The following MICU1 variants were observed in gnomAD, a reference collection of about 807,000 sequenced individuals.
MICU1 encodes the protein mitochondrial calcium uptake 1.
In MICU1, 45 loss-of-function variants were observed where a neutral mutation model predicts 56.8. The observed-to-expected ratio is 0.79, with a 90% confidence interval of 0.62 to 1.02. The LOEUF (loss-of-function observed/expected upper bound fraction) is 1.02, where lower values mean the gene tolerates loss of function less well. MICU1 is among the 50% of genes least tolerant of loss of function. MICU1 has a pLI of 0.00. For missense variants in MICU1, 504 were observed against 587.1 expected, an observed-to-expected ratio of 0.86 and a Z score of 1.46; for synonymous variants, 186 against 195.1, an observed-to-expected ratio of 0.95 and a Z score of 0.39.
At chr10:72,385,731 A>G (rs539440450) in intron 10 of MICU1, among the ~76,000 whole-genome samples, 1 of 152,138 alleles carries the variant, frequency 6.6e-6, no homozygotes, top group Non-Finnish European at 1.5e-5. Context: ...CCCTCTCCTC[A>G]GGTGGGCAGA....
intron 3 of MICU1, among the ~76,000 whole-genome samples, chr10:72,553,226 C>CCTTTCTT (rs2132448497): frequency 7.1e-6 from 1 of 141,118 alleles, no homozygotes; most frequent in Admixed American, 7.5e-5. Context: ...AGAAGAAATA[C>CCTTTCTT]CTTTCTTCTT....
intron 6 of MICU1, among the ~76,000 whole-genome samples, chr10:72,482,423 A>G (rs1449774847): frequency 1.3e-5 from 2 of 152,186 alleles, no homozygotes; most frequent in African/African-American, 2.4e-5. Flanking sequence ...TTGATATGCA[A>G]TGTCAGAGAA....
At chr10:72,436,550 C>T (rs926556392) in intron 8 of MICU1, among the ~76,000 whole-genome samples, 36 of 152,184 alleles carry the variant, frequency 2.4e-4, no homozygotes, top group African/African-American at 8.7e-4. Context: ...CAAAGCTAGA[C>T]AGAGAATGAC....
At chr10:72,387,249 G>C (rs942430810) in intron 10 of MICU1, among the ~76,000 whole-genome samples, 4 of 152,212 alleles carry the variant, frequency 2.6e-5, no homozygotes, top group African/African-American at 9.7e-5. Flanking sequence ...CTGAGGGTCA[G>C]AGTAGTGACC....
At chr10:72,474,022 C>T (rs977374955) in intron 8 of MICU1, among the ~76,000 whole-genome samples, 1 of 151,642 alleles carries the variant, frequency 6.6e-6, no homozygotes, top group Non-Finnish European at 1.5e-5. Flanking sequence ...TATGGGAGGC[C>T]GAGGCAGGAG....
At chr10:72,598,991 C>T (rs1181532404) in intron 1 of MICU1, among the ~76,000 whole-genome samples, 2 of 152,090 alleles carry the variant, frequency 1.3e-5, no homozygotes, top group African/African-American at 4.8e-5. Context: ...GCTATTAATA[C>T]ACCCTAAAAT....
intron 3 of MICU1, among the ~76,000 whole-genome samples, chr10:72,553,847 TTCCACTTAGCATTG>T (rs1237257596): frequency 6.6e-6 from 1 of 152,204 alleles, no homozygotes; most frequent in African/African-American, 2.4e-5. Flanking sequence ...TTTGCTTTTT[TTCCACTTAGCATTG>T]TACCTTAGCC....
rs371152179 is a variant in MICU1, at chr10:72,492,140, C to T, written c.653-14884G>A. On this transcript the variant is annotated intron_variant, in intron 6 of 11. Transcript: ENST00000361114. ...AAGGAATGGTGGTTAGACTAACAGACGGGTCCTTGTAGGCCACTGTAAATA... is the reference window on the plus strand; with the variant it reads ...AAGGAATGGTGGTTAGACTAACAGATGGGTCCTTGTAGGCCACTGTAAATA... Among the ~76,000 whole-genome samples the T allele has an allele frequency of 3.9e-4, 60 of 152,214 alleles. No homozygotes were observed. In the South Asian group the frequency reaches 0.012, roughly 30 times the overall value.
intron 5 of MICU1, among the ~76,000 whole-genome samples, chr10:72,516,718 C>A (rs1589298850): frequency 6.6e-6 from 1 of 152,098 alleles, no homozygotes; most frequent in East Asian, 1.9e-4. Flanking sequence ...TTGTTTTTGT[C>A]AGGTTTTGCA....
intron 10 of MICU1, 54 bp from the exon 11 acceptor site, chr10:72,375,926 C>T: frequency 8.0e-6 from 12 of 1,491,728 alleles, no homozygotes; most frequent in Non-Finnish European, 1.0e-5. Flanking sequence ...ATTTTGCTTT[C>T]TCTGATTCAG....
rs1862203056 is a variant in MICU1 at position 72,368,067 on chromosome 10, A to C, written c.*128T>G. ...AAGGGTAAAGAGGGGAAACCGACAG[A>C]GTCCTGAGGTCATCCCGGGAGGAAG... On this transcript the variant is annotated 3_prime_UTR_variant, in exon 12 of 12. Transcript: ENST00000361114. 1.0e-6 allele frequency: 1 copy of C among 978,816 alleles called. No homozygotes were observed. Among genetic ancestry groups the C allele is most frequent in the South Asian group, 1.8e-5 (1 of 55,164 alleles). The allele number at this position is 978,816 out of a possible 1,614,324, so 60.6% of individuals were successfully genotyped here.
chr10:72,420,279 T>C (rs1274797523), intron 9 of MICU1, among the ~76,000 whole-genome samples: 1 of 152,178 alleles, frequency 6.6e-6, no homozygotes, highest in Non-Finnish European at 1.5e-5. Context: ...CAGGCTGGTC[T>C]CCAACTCCCA....
intron 6 of MICU1, among the ~76,000 whole-genome samples, chr10:72,493,504 G>C (rs1175442457): frequency 6.6e-6 from 1 of 152,084 alleles, no homozygotes; most frequent in East Asian, 1.9e-4. Flanking sequence ...CCAGGATGGA[G>C]TGCAGTAGCA....
intron 1 of MICU1, among the ~76,000 whole-genome samples, chr10:72,586,015 T>TTTC (rs1564948528): frequency 1.0e-4 from 13 of 124,344 alleles, no homozygotes; most frequent in Admixed American, 4.9e-4. Flanking sequence ...TTTTTTTTCT[T>TTTC]TTTTTTTTTT....
At chr10:72,461,858 G>A (rs1180581844) in intron 8 of MICU1, among the ~76,000 whole-genome samples, 2 of 152,210 alleles carry the variant, frequency 1.3e-5, no homozygotes, top group East Asian at 1.9e-4. Context: ...GCTGAGGCAG[G>A]AGAAGTGCTT....
intron 6 of MICU1, among the ~76,000 whole-genome samples, chr10:72,495,470 A>G (rs1463895439): frequency 6.6e-6 from 1 of 152,168 alleles, no homozygotes; most frequent in African/African-American, 2.4e-5. Context: ...AGCACGGCCA[A>G]CATGGTGAAA....
At chr10:72,483,423 CTG>C (rs1367493605) in intron 6 of MICU1, 1 of 155,606 alleles carries the variant, frequency 6.4e-6, no homozygotes, top group East Asian at 1.9e-4. Flanking sequence ...GTGCCACTGT[CTG>C]GGGGCTGCAG....
chr10:72,458,154 A>G (rs1865530370), intron 8 of MICU1, among the ~76,000 whole-genome samples: 1 of 151,920 alleles, frequency 6.6e-6, no homozygotes, highest in Admixed American at 6.6e-5. Context: ...CAACAAGAGT[A>G]AAAATCCATC....
chr10:72,496,268 T>C (rs1423410395), intron 6 of MICU1, among the ~76,000 whole-genome samples: 3 of 151,134 alleles, frequency 2.0e-5, no homozygotes, highest in African/African-American at 7.3e-5. Context: ...GCTGGGATAA[T>C]ATAGGCATGT....
Sources: gnomAD v4.1 joint callset for allele counts (sites outside exome capture counted in the v4.1 genomes callset) on GRCh38, gnomAD v4.1.1 for gene constraint, MANE v1.5 for transcripts, NCBI Gene and HGNC (gene_info 2026-07-23, HGNC 2026-07-21) for gene names.